The following NLRP6 variants were observed in gnomAD, a reference collection of about 807,000 sequenced individuals.
The protein encoded by NLRP6 is NLR family pyrin domain containing 6.
A neutral mutation model predicts 70.9 loss-of-function variants in NLRP6; 55 were observed. The observed-to-expected ratio is 0.78, with a 90% CI of 0.62 to 0.97. The LOEUF (loss-of-function observed/expected upper bound fraction) is 0.97, where lower values mean the gene tolerates loss of function less well. Among genes scored for constraint, NLRP6 ranks in the 50% least tolerant of loss-of-function variants. NLRP6 has a pLI of 0.00. For missense variants in NLRP6, 1,241 were observed against 1,238.3 expected, an observed-to-expected ratio of 1.00 and a Z score of -0.03; for synonymous variants, 652 against 581.9, an observed-to-expected ratio of 1.12 and a Z score of -1.73.
At chr11:281,889 G>C (rs756549987) in intron 4 of NLRP6, 50 bp downstream of exon 4, 1 of 1,489,040 alleles carries the variant, frequency 6.7e-7, no homozygotes, top group Non-Finnish European at 9.0e-7. Context: ...TGTGTGTGCC[G>C]GTGCAAACCT....
intron 5 of NLRP6, among the ~76,000 whole-genome samples, 195 bp from the exon 6 acceptor site, chr11:284,035 A>G (rs1173419949): frequency 6.6e-6 from 1 of 152,146 alleles, no homozygotes; most frequent in Non-Finnish European, 1.5e-5. Flanking sequence ...TGTCGCAGGG[A>G]GAAATGAACA....
Position 285,360 on chromosome 11 carries a change from A to T in NLRP6, c.*56A>T. 1 of 1,568,102 alleles carries T rather than the reference A, an allele frequency of 6.4e-7. No homozygotes were observed. Among genetic ancestry groups the T allele is most frequent in the South Asian group, 1.1e-5 (1 of 87,266 alleles). ...CCTAGTCAAAGTCCCTGTGGAGAGAACGGCCCATTCCAAGGGCAGGAGGAT... is the reference window on the plus strand; with the variant it reads ...CCTAGTCAAAGTCCCTGTGGAGAGATCGGCCCATTCCAAGGGCAGGAGGAT... On this transcript the variant is annotated 3_prime_UTR_variant, in exon 8 of 8. Coordinates refer to ENST00000534750, the MANE Select transcript of NLRP6 (RefSeq NM_001276700.2).
chr11:279,307 C>G lies in NLRP6; in HGVS notation c.30-20C>G, dbSNP rs199475794. The G allele has an allele frequency of 4.9e-5, 62 of 1,265,582 alleles. No individual in the cohort carries two copies. In the East Asian group the frequency reaches 1.1e-3, roughly 23 times the overall value. The allele number at this position is 1,265,582 out of a possible 1,614,324, so 78.4% of individuals were successfully genotyped here. On this transcript the variant is annotated intron_variant, in intron 1 of 7. Transcript: ENST00000534750. ...CACCCGAGGGCCGCTCCCCGATGAC[C>G]CGCGCCCGCCCGCCTCCAGCACGGG...
Position 279,471 on chromosome 11 carries a change from C to A in NLRP6, c.174C>A (p.Arg58=). 1 of 1,421,062 alleles carries A rather than the reference C, an allele frequency of 7.0e-7. No individual in the cohort carries two copies. The allele number at this position is 1,421,062 out of a possible 1,614,324, so 88.0% of individuals were successfully genotyped here. ...GRSIPWGRLE[R]ADAVDLAEQL... ...GCATCCCGTGGGGGCGGCTGGAGCG[C>A]GCGGACGCCGTGGACCTCGCGGAGC... Residue 58 remains arginine, a synonymous_variant, in exon 2 of 8, where the codon CGC becomes CGA. Transcript: ENST00000534750.
At chr11:279,198 A>T (rs1429941725) in intron 1 of NLRP6, 129 bp from the exon 2 acceptor site, 1 of 806,576 alleles carries the variant, frequency 1.2e-6, no homozygotes, top group Admixed American at 4.4e-5. Context: ...CACCCCATGG[A>T]TCCAGACGAT....
intron 5 of NLRP6, 117 bp from the exon 6 acceptor site, chr11:284,113 C>T (rs1318201143): frequency 5.7e-6 from 5 of 877,478 alleles, no homozygotes; most frequent in African/African-American, 1.7e-5. Flanking sequence ...AAGGATGTGG[C>T]ACCAACACAT....
intron 7 of NLRP6, 98 bp downstream of exon 7, chr11:284,740 C>T (rs770401097): frequency 7.6e-6 from 9 of 1,178,756 alleles, no homozygotes; most frequent in East Asian, 2.6e-5. Context: ...AAGAGGGGCC[C>T]CTCCCAGAGA....
At position 284,499 on chromosome 11, in the gene NLRP6, A is replaced by G; in HGVS notation, c.2394A>G (p.Arg798=). ...TVRVQLPDPQ[R]GLQYLVGMLR... is the part of the protein sequence containing the mutation. ...GGGTACAGCTGCCTGACCCCCAGCG[A>G]GGGCTCCAGTACCTGGTGGGTATGC... The change falls in exon 7 of 8, where the codon CGA becomes CGG. Residue 798 remains arginine (R), a synonymous_variant. Transcript: ENST00000534750. 6.2e-7 allele frequency: 1 copy of G among 1,612,982 alleles called. No homozygotes were observed. The highest frequency in any genetic ancestry group is 8.5e-7 in the Non-Finnish European group (1 of 1,179,812).
Position 280,966 on chromosome 11 carries a change from C to A in NLRP6, c.1232C>A (p.Thr411Lys). The part of the protein sequence containing the change: ...QLELGRDLSR[T>K]SKTTTSVYLL... ...GAGCTCGGTCGGGACCTGTCGCGCA[C>A]GTCCAAGACCACCACGTCAGTGTAC... Residue 411 changes from threonine to lysine, a missense_variant, in exon 4 of 8, where the codon ACG becomes AAG. By Grantham distance (78) the Thr-to-Lys change is moderately conservative. Coordinates refer to ENST00000534750, the MANE Select transcript of NLRP6 (RefSeq NM_001276700.2). 6.2e-7 allele frequency: 1 copy of A among 1,613,214 alleles called. No homozygotes were observed. Among genetic ancestry groups the A allele is most frequent in the Non-Finnish European group, 8.5e-7 (1 of 1,179,972 alleles).
In NLRP6 at chr11:281,341, C is replaced by T. The variant is rs758323239; in HGVS notation, c.1607C>T (p.Pro536Leu). The T allele has an allele frequency of 6.2e-7, 1 of 1,610,126 alleles. No homozygotes were observed. The highest frequency in any genetic ancestry group is 8.5e-7 in the Non-Finnish European group (1 of 1,178,880). ...ACACTCCTGCGTGGGGACGCCCAGC[C>T]GCACAGCCACTTGGTGCTCACCACG... The part of the protein sequence containing the change: ...VGTLLRGDAQ[P>L]HSHLVLTTRF... Residue 536 changes from proline to leucine, a missense_variant, in exon 4 of 8, where the codon CCG (proline) becomes CTG (leucine). Coordinates refer to ENST00000534750, the MANE Select transcript of NLRP6 (RefSeq NM_001276700.2).
chr11:283,467 C>T (rs1802392258), intron 5 of NLRP6, among the ~76,000 whole-genome samples: 1 of 152,006 alleles, frequency 6.6e-6, no homozygotes, highest in Non-Finnish European at 1.5e-5. Flanking sequence ...GTGCCCGCCA[C>T]TACGCCCGGC....
chr11:283,651 C>T (rs900737916), intron 5 of NLRP6, among the ~76,000 whole-genome samples: 1 of 152,106 alleles, frequency 6.6e-6, no homozygotes, highest in Non-Finnish European at 1.5e-5. Context: ...TTGCCAGTCA[C>T]TCTTAGCTAC....
Position 281,279 on chromosome 11 carries a change from C to G in NLRP6, c.1545C>G (p.Asp515Glu), listed in dbSNP as rs775518681. 2 of 1,609,626 alleles carry G rather than the reference C, an allele frequency of 1.2e-6. No homozygotes were observed. The highest frequency in any genetic ancestry group is 8.5e-7 in the Non-Finnish European group (1 of 1,177,554). The change falls in exon 4 of 8, where the codon GAC becomes GAG. Residue 515 changes from aspartate (D) to glutamate (E), a missense_variant. Transcript: ENST00000534750. Reference protein sequence around the residue: ...FLAALSYLLEDGGVPRTAAGG... With the variant: ...FLAALSYLLEEGGVPRTAAGG... ...CGGCACTGTCCTACCTGCTGGAGGA[C>G]GGCGGGGTGCCCAGGACCGCGGCTG...
chr11:281,211 G>A lies in NLRP6; in HGVS notation c.1477G>A (p.Val493Ile). The change falls in exon 4 of 8, where the codon GTC becomes ATC. Residue 493 changes from valine (V) to isoleucine (I), a missense_variant. By Grantham distance (29) the Val-to-Ile change is conservative. Coordinates refer to ENST00000534750, the MANE Select transcript of NLRP6 (RefSeq NM_001276700.2). The stretch of plus-strand genomic sequence containing the variant: ...GCTGCCGGGCGTGCTGGAGACAGAG[G>A]TCACCTACCAGTTCATCGACCAGAG... ...KELPGVLETE[V>I]TYQFIDQSFQ... 2 of 1,613,218 alleles carry A rather than the reference G, an allele frequency of 1.2e-6. No individual in the cohort carries two copies. The highest frequency in any genetic ancestry group is 2.2e-5 in the East Asian group (1 of 44,882).
chr11:284,562 C>A lies in NLRP6; in HGVS notation c.2457C>A (p.Ser819Arg), dbSNP rs374720428. The part of the protein sequence containing the change: ...QSPALTTLDL[S>R]GCQLPAPMVT... The stretch of plus-strand genomic sequence containing the variant: ...CTGCCCTGACCACCCTGGATCTCAG[C>A]GGCTGCCAACTGCCCGCCCCCATGG... The change falls in exon 7 of 8, where the codon AGC (serine) becomes AGA (arginine). Residue 819 changes from serine to arginine, a missense_variant. By Grantham distance (110) the Ser-to-Arg change is moderately radical (BLOSUM62 -1). Coordinates refer to ENST00000534750, the MANE Select transcript of NLRP6 (RefSeq NM_001276700.2). The A allele has an allele frequency of 8.7e-6, 14 of 1,612,456 alleles. No homozygotes were observed. The highest frequency in any genetic ancestry group is 1.2e-5 in the Non-Finnish European group (14 of 1,179,784).
At position 285,191 on chromosome 11, in the gene NLRP6, C is replaced by G; in HGVS notation, c.2563C>G (p.Gln855Glu). 1 of 1,593,996 alleles carries G rather than the reference C, an allele frequency of 6.3e-7. No homozygotes were observed. The highest frequency in any genetic ancestry group is 8.5e-7 in the Non-Finnish European group (1 of 1,169,814). The part of the protein sequence containing the change: ...LSLASVELSE[Q>E]SLQELQAVKR... ...TCTGGCCTCTGTGGAGCTGAGCGAGCAGTCACTACAGGAGCTTCAGGCTGT... is the reference window on the plus strand; with the variant it reads ...TCTGGCCTCTGTGGAGCTGAGCGAGGAGTCACTACAGGAGCTTCAGGCTGT... The change falls in exon 8 of 8, where the codon CAG becomes GAG. Residue 855 changes from glutamine (Q) to glutamate (E), a missense_variant. Transcript: ENST00000534750.
In NLRP6 at chr11:284,341, G is replaced by C. The variant is rs7108246; in HGVS notation, c.2310G>C (p.Ala770=). 6.2e-7 allele frequency: 1 copy of C among 1,610,836 alleles called. No individual in the cohort carries two copies. The highest frequency in any genetic ancestry group is 8.5e-7 in the Non-Finnish European group (1 of 1,179,174). ...TCCTCCACAACAGGCTCAGTGAGGC[G>C]GGACTGCGTATGCTGAGTGAGGGCC... ...LGLLHNRLSE[A]GLRMLSEGLA... is the part of the protein sequence containing the mutation. The change falls in exon 6 of 8, where the codon GCG becomes GCC. Residue 770 remains alanine, a synonymous_variant. Coordinates refer to ENST00000534750, the MANE Select transcript of NLRP6 (RefSeq NM_001276700.2).
At position 284,492 on chromosome 11, in the gene NLRP6, C is replaced by G; in HGVS notation, c.2387C>G (p.Pro796Arg). 2 of 1,612,926 alleles carry G rather than the reference C, an allele frequency of 1.2e-6. No homozygotes were observed. Among genetic ancestry groups the G allele is most frequent in the South Asian group, 1.1e-5 (1 of 91,084 alleles). ...VQTVRVQLPD[P>R]QRGLQYLVGM... is the part of the protein sequence containing the mutation. ...TCCCACAGGGTACAGCTGCCTGACC[C>G]CCAGCGAGGGCTCCAGTACCTGGTG... The change falls in exon 7 of 8, where the codon CCC (proline) becomes CGC (arginine). Residue 796 changes from proline to arginine, a missense_variant. Transcript: ENST00000534750.
rs550830800 is a variant in NLRP6, at chr11:282,741, T to C, written c.2142T>C (p.Leu714=). 1 of 1,614,122 alleles carries C rather than the reference T, an allele frequency of 6.2e-7. No homozygotes were observed. The highest frequency in any genetic ancestry group is 8.5e-7 in the Non-Finnish European group (1 of 1,179,970). ...CCACAAAACAACTGCCAGCCTCCCTTCTTCATCCACTCTTTCAGGCAATGA... is the reference window on the plus strand; with the variant it reads ...CCACAAAACAACTGCCAGCCTCCCTCCTTCATCCACTCTTTCAGGCAATGA... ...QGTTKQLPAS[L]LHPLFQAMTD... is the part of the protein sequence containing the mutation. The change falls in exon 5 of 8, where the codon CTT becomes CTC. Residue 714 remains leucine, a synonymous_variant. Transcript: ENST00000534750.
Sources: gnomAD v4.1 joint callset for allele counts (sites outside exome capture counted in the v4.1 genomes callset) on GRCh38, gnomAD v4.1.1 for gene constraint, MANE v1.5 for transcripts, NCBI Gene and HGNC (gene_info 2026-07-23, HGNC 2026-07-21) for gene names.